Variants in RUVBL1 observed in about 807,000 individuals in gnomAD.
RUVBL1 encodes ruvB-like 1.
Under a neutral mutation model 52.4 loss-of-function variants are expected in RUVBL1, and 4 were observed. The ratio of observed to expected loss-of-function variants is 0.08; its 90% CI spans 0.04 to 0.17. The LOEUF is 0.17. RUVBL1 is among the 10% of genes least tolerant of loss of function. The pLI, the probability that RUVBL1 is intolerant of heterozygous loss-of-function variation, is 1.00. For synonymous variants in RUVBL1, 217 were observed against 214.4 expected (o/e 1.01, Z -0.10); for missense variants, 298 against 572.8 (o/e 0.52, Z 4.90).
At chr3:128,137,098 C>A (rs1405120961) in intron 1 of RUVBL1, among the ~76,000 whole-genome samples, 3 of 151,856 alleles carry the variant, frequency 2.0e-5, no homozygotes, top group Admixed American at 2.0e-4. Context: ...TAAGTGCCTA[C>A]ATGAAAAAAA....
intron 2 of RUVBL1, 49 bp from the exon 3 acceptor site, chr3:128,113,069 C>A: frequency 2.5e-6 from 4 of 1,600,724 alleles, no homozygotes; most frequent in Non-Finnish European, 3.4e-6. Flanking sequence ...GAAAACATGA[C>A]AGTTCAGAAA....
chr3:128,069,315 G>A (rs1334905220), intron 9 of RUVBL1, among the ~76,000 whole-genome samples: 3 of 152,204 alleles, frequency 2.0e-5, no homozygotes, highest in Non-Finnish European at 4.4e-5. Flanking sequence ...GGACAGCAGC[G>A]CCTTGGCCTA....
In RUVBL1 at chr3:128,108,572, G is replaced by A. The variant is rs565888806; in HGVS notation, c.362-3648C>T. ...TCAGGGACCAGACACGGTGGTTCACGCCTGTAATCCCAGGACTTTGGCAGG... is the reference window on the plus strand; with the variant it reads ...TCAGGGACCAGACACGGTGGTTCACACCTGTAATCCCAGGACTTTGGCAGG... On this transcript the variant is annotated intron_variant, in intron 3 of 10. Transcript: ENST00000322623. 1.3e-4 allele frequency among the ~76,000 whole-genome samples: 20 copies of A among 152,116 alleles called. No individual in the cohort carries two copies. In the East Asian group the frequency reaches 3.3e-3, roughly 25 times the overall value.
At chr3:128,084,529 G>A (rs1942579518) in intron 9 of RUVBL1, 1 of 152,160 alleles carries the variant, frequency 6.6e-6, no homozygotes, top group Non-Finnish European at 1.5e-5. Context: ...TAAGCTAAGT[G>A]CCTCGCCTTC....
intron 3 of RUVBL1, among the ~76,000 whole-genome samples, chr3:128,105,865 C>CTTTTTT (rs11311563): frequency 8.1e-3 from 721 of 88,744 alleles, no homozygotes; most frequent in Middle Eastern, 0.015. Context: ...TTCCCTTTTT[C>CTTTTTT]TTTTTTTTTT....
chr3:128,125,311 G>C (rs1220051268), upstream of RUVBL1, among the ~76,000 whole-genome samples: 1 of 152,020 alleles, frequency 6.6e-6, no homozygotes, highest in Non-Finnish European at 1.5e-5. Flanking sequence ...CACCGCGCCC[G>C]GCCTCTCACA....
In RUVBL1 at chr3:128,082,355, C is replaced by T. The variant is rs6796874; in HGVS notation, c.1211+128G>A. The T allele has an allele frequency of 0.23, 160,115 of 691,156 alleles. 19,440 individuals are homozygous for T. Among genetic ancestry groups the T allele is most frequent in the South Asian group, 0.26 (15,942 of 60,166 alleles). 42.8% of individuals were successfully genotyped at this position (691,156 alleles called of 1,614,324 possible). On this transcript the variant is annotated intron_variant, in intron 10 of 10. Transcript: ENST00000322623. The surrounding 1 kb of genome is among the most constrained non-coding windows in gnomAD (Gnocchi z 4.7). ...AACTCAAGTGCCCTGGCACCCATCG[C>T]GCCAGGAAGAGCGGATGGATAGAGT...
intron 7 of RUVBL1, 124 bp from the exon 8 acceptor site, chr3:128,097,622 G>A (rs1206668994): frequency 8.6e-5 from 68 of 787,616 alleles, no homozygotes; most frequent in Non-Finnish European, 4.2e-6. Flanking sequence ...CTAGCTATGT[G>A]ATCCCAGACA....
At chr3:128,119,280 T>G (rs772855575) in intron 2 of RUVBL1, 48 bp downstream of exon 2, 1 of 1,468,978 alleles carries the variant, frequency 6.8e-7, no homozygotes, top group Non-Finnish European at 9.5e-7. Context: ...GCTTAGACAC[T>G]AGGATCATTC....
intron 1 of RUVBL1, among the ~76,000 whole-genome samples, chr3:128,135,494 T>C (rs1359101354): frequency 2.0e-5 from 3 of 152,108 alleles, no homozygotes; most frequent in East Asian, 1.9e-4. Context: ...GATTGTGCCA[T>C]TGCACTCCAG....
chr3:128,113,897 T>G (rs1241063402), intron 2 of RUVBL1, among the ~76,000 whole-genome samples: 1 of 152,238 alleles, frequency 6.6e-6, no homozygotes, highest in African/African-American at 2.4e-5. Context: ...AATGAAGGAA[T>G]GAATGAATGG....
intron 3 of RUVBL1, among the ~76,000 whole-genome samples, chr3:128,112,554 C>T (rs528197790): frequency 6.6e-6 from 1 of 152,260 alleles, no homozygotes; most frequent in East Asian, 1.9e-4. Context: ...GGCTTGAGTC[C>T]AAAACCTTTT....
chr3:128,067,658 G>T lies in RUVBL1; in HGVS notation c.940-2438C>A. The T allele has an allele frequency of 2.1e-6, 3 of 1,428,948 alleles. No homozygotes were observed. The highest frequency in any genetic ancestry group is 2.9e-6 in the Non-Finnish European group (3 of 1,029,120). The allele number at this position is 1,428,948 out of a possible 1,614,324, so 88.5% of individuals were successfully genotyped here. A position where few individuals can be genotyped will look rare whatever the true frequency, so the allele number is the denominator to read the frequency against. On this transcript the variant is annotated intron_variant, in intron 9 of 9. Coordinates refer to the RUVBL1 transcript ENST00000464873. The surrounding 1 kb of genome is among the most constrained non-coding windows in gnomAD (Gnocchi z 4.1). ...CTGGAAGGGTGATGAAAGTGTGACTGGTATAAGGGGTGTGGACTTGTCACC... is the reference window on the plus strand; with the variant it reads ...CTGGAAGGGTGATGAAAGTGTGACTTGTATAAGGGGTGTGGACTTGTCACC...
At chr3:128,064,821 A>G in exon 10 of RUVBL1, 1 of 1,473,490 alleles carries the variant, frequency 6.8e-7, no homozygotes, top group Non-Finnish European at 9.2e-7. Context: ...AGAAGGCTAG[A>G]AGCAAATTGA....
At chr3:128,138,111 C>G (rs949623988) in intron 1 of RUVBL1, among the ~76,000 whole-genome samples, 1 of 152,150 alleles carries the variant, frequency 6.6e-6, no homozygotes, top group African/African-American at 2.4e-5. Flanking sequence ...AAACTGAAAG[C>G]CTTTCCCCTA....
chr3:128,118,666 T>G (rs1175363760), intron 2 of RUVBL1, among the ~76,000 whole-genome samples: 2 of 152,162 alleles, frequency 1.3e-5, no homozygotes, highest in African/African-American at 4.8e-5. Context: ...GGCCCTTATC[T>G]TCCCTGCAAA....
chr3:128,072,825 A>G (rs1942205228), intron 9 of RUVBL1, among the ~76,000 whole-genome samples: 1 of 152,184 alleles, frequency 6.6e-6, no homozygotes, highest in African/African-American at 2.4e-5. Flanking sequence ...CGGAGCCCAC[A>G]TTCCAGCAGC....
At chr3:128,075,782 C>G (rs762503971) in intron 9 of RUVBL1, 3 of 152,226 alleles carry the variant, frequency 2.0e-5, no homozygotes, top group Non-Finnish European at 2.9e-5. Flanking sequence ...TCCTCGCAAG[C>G]TCCCGCGGGG....
intron 8 of RUVBL1, among the ~76,000 whole-genome samples, chr3:128,095,417 C>T (rs1020593140): frequency 6.6e-6 from 1 of 152,266 alleles, no homozygotes; most frequent in African/African-American, 2.4e-5. Context: ...CAGCCACAGG[C>T]ATGCCAGGCA....
Sources: allele counts gnomAD v4.1 joint callset (sites outside exome capture counted in the v4.1 genomes callset), GRCh38; gene constraint gnomAD v4.1.1; non-coding constraint Gnocchi (gnomAD v3.1); transcripts MANE v1.5; gene names NCBI Gene and HGNC (gene_info 2026-07-23, HGNC 2026-07-21).